GRM8: variants seen among roughly 807,000 people sequenced by gnomAD.
GRM8 encodes the protein metabotropic glutamate receptor 8.
A neutral mutation model predicts 87.2 loss-of-function variants in GRM8; 47 were observed. The observed-to-expected ratio is 0.54, with a 90% CI of 0.43 to 0.69. GRM8 has a LOEUF of 0.69. GRM8 is among the 30% of genes least tolerant of loss of function. The pLI is 0.00. For synonymous variants in GRM8, 396 were observed against 404.5 expected (o/e 0.98, Z 0.25); for missense variants, 1,019 against 1,139.2 (o/e 0.89, Z 1.52).
intron 8 of GRM8, among the ~76,000 whole-genome samples, chr7:126,563,297 T>TA (rs59304756): frequency 0.027 from 4,066 of 149,628 alleles, 153 homozygotes; most frequent in African/African-American, 0.089. Flanking sequence ...GGTTTTTTTT[T>TA]AAAAAAAAAA....
intron 8 of GRM8, among the ~76,000 whole-genome samples, chr7:126,582,662 GC>G (rs1795720794): frequency 1.3e-5 from 2 of 152,136 alleles, no homozygotes; most frequent in Non-Finnish European, 2.9e-5. Flanking sequence ...TCTTATTAGG[GC>G]CTAATGAAGC....
chr7:126,849,403 C>A (rs967655617), intron 6 of GRM8, among the ~76,000 whole-genome samples: 4 of 152,068 alleles, frequency 2.6e-5, no homozygotes, highest in Non-Finnish European at 5.9e-5. Flanking sequence ...CTTAGGAATT[C>A]TCACAATTAA....
chr7:126,522,134 A>G (rs1285601236), intron 9 of GRM8, among the ~76,000 whole-genome samples: 1 of 152,162 alleles, frequency 6.6e-6, no homozygotes, highest in Non-Finnish European at 1.5e-5. Context: ...TAGCAGCCCC[A>G]AAGAAGGTTG....
chr7:126,990,900 A>G (rs904084102), intron 3 of GRM8, among the ~76,000 whole-genome samples: 7 of 152,238 alleles, frequency 4.6e-5, no homozygotes, highest in African/African-American at 1.7e-4. Context: ...ATAATTACAT[A>G]TAAAAATTAA....
chr7:126,655,571 A>T (rs1489189845), intron 7 of GRM8, among the ~76,000 whole-genome samples: 1 of 152,092 alleles, frequency 6.6e-6, no homozygotes, highest in Non-Finnish European at 1.5e-5. Context: ...TCTTGGTCTC[A>T]ACTACTGGTC....
At chr7:127,006,921 T>C (rs1814374525) in intron 3 of GRM8, among the ~76,000 whole-genome samples, 1 of 152,022 alleles carries the variant, frequency 6.6e-6, no homozygotes, top group African/African-American at 2.4e-5. Context: ...ATCAACTCAA[T>C]GTGGAAGATG....
chr7:127,195,727 A>C (rs17866226), intron 2 of GRM8, among the ~76,000 whole-genome samples: 3,364 of 152,178 alleles, frequency 0.022, 116 homozygotes, highest in African/African-American at 0.077. Flanking sequence ...TATCCAGAAA[A>C]ATGAGGTGCT....
rs114328909 is a variant in GRM8 at position 127,023,494 on chromosome 7, A to G, written c.727+83002T>C. 3.4e-3 allele frequency among the ~76,000 whole-genome samples: 524 copies of G among 152,256 alleles called. 1 individual carries two copies. Among genetic ancestry groups the G allele is most frequent in the African/African-American group, 0.012 (507 of 41,566 alleles). On this transcript the variant is annotated intron_variant, in intron 3 of 10. Transcript: ENST00000339582. ...AATACTTTCCAACTGTACATAAAAG[A>G]GGTTAATTTTCAAACCCGGACAGTG...
chr7:127,230,799 C>T (rs1357193707), intron 2 of GRM8, among the ~76,000 whole-genome samples: 1 of 152,028 alleles, frequency 6.6e-6, no homozygotes, highest in African/African-American at 2.4e-5. Context: ...TCTCAGAATT[C>T]CAGCTTCCAG....
At chr7:127,228,407 C>G (rs1797476467) in intron 2 of GRM8, 8 of 152,168 alleles carry the variant, frequency 5.3e-5, no homozygotes, top group Admixed American at 5.2e-4. Flanking sequence ...GAACTGAAGG[C>G]TCAGGAAGAA....
intron 7 of GRM8, among the ~76,000 whole-genome samples, chr7:126,651,222 T>G (rs1803822136): frequency 6.6e-6 from 1 of 152,168 alleles, no homozygotes; most frequent in African/African-American, 2.4e-5. Flanking sequence ...GGCACTCACT[T>G]TGTGGCCAAA....
chr7:127,135,135 T>C (rs1201495409), intron 2 of GRM8, among the ~76,000 whole-genome samples: 1 of 152,088 alleles, frequency 6.6e-6, no homozygotes, highest in Admixed American at 6.5e-5. Flanking sequence ...TGAGTCAGGG[T>C]TTATGTTTCT....
In GRM8 at chr7:126,446,206, T is replaced by C. The variant is rs1349674920; in HGVS notation, c.2597A>G (p.Gln866Arg). 6.2e-7 allele frequency: 1 copy of C among 1,613,024 alleles called. No homozygotes were observed. The highest frequency in any genetic ancestry group is 8.5e-7 in the Non-Finnish European group (1 of 1,179,424). ...FKAVVTAATM[Q>R]SKLIQKGNDR... ...ATTTCCTTTTTGGATCAGTTTGCTT[T>C]GCATGGTGGCAGCTGTCACCACAGC... is the stretch of plus-strand genomic sequence containing the variant. Residue 866 changes from glutamine (Q) to arginine (R), a missense_variant, in exon 10 of 11, where the codon CAA becomes CGA. Transcript: ENST00000339582.
chr7:126,931,680 T>C (rs1805786192), intron 3 of GRM8, among the ~76,000 whole-genome samples: 1 of 152,210 alleles, frequency 6.6e-6, no homozygotes, highest in Admixed American at 6.5e-5. Flanking sequence ...TTTTCTAGTT[T>C]GAAGTTGTAA....
intron 7 of GRM8, among the ~76,000 whole-genome samples, chr7:126,753,387 CAT>C (rs35916735): frequency 6.7e-5 from 10 of 150,022 alleles, no homozygotes; most frequent in African/African-American, 1.2e-4. Context: ...CACACACAGG[CAT>C]ATATATATAT....
chr7:126,995,696 T>G (rs1021792359), intron 3 of GRM8, among the ~76,000 whole-genome samples: 1 of 151,842 alleles, frequency 6.6e-6, no homozygotes, highest in African/African-American at 2.4e-5. Context: ...TAAAAAATAA[T>G]AAAGTAAGCC....
intron 2 of GRM8, among the ~76,000 whole-genome samples, chr7:127,219,103 T>A (rs960319779): frequency 3.3e-5 from 5 of 152,208 alleles, no homozygotes; most frequent in African/African-American, 1.2e-4. Context: ...TTTCCGATGG[T>A]GAGAACTGCT....
chr7:126,989,347 G>T (rs776613805), intron 3 of GRM8, among the ~76,000 whole-genome samples: 2 of 151,836 alleles, frequency 1.3e-5, no homozygotes, highest in Non-Finnish European at 2.9e-5. Flanking sequence ...TAAGTTAAAG[G>T]TTAACAAGAT....
chr7:127,197,802 A>T lies in GRM8; in HGVS notation c.510+44893T>A, dbSNP rs550055854. 2.6e-5 allele frequency among the ~76,000 whole-genome samples: 4 copies of T among 152,338 alleles called. No homozygotes were observed. The South Asian group carries it at 8.3e-4, about 32-fold the overall frequency. On this transcript the variant is annotated intron_variant, in intron 2 of 10. Coordinates refer to ENST00000339582, the MANE Select transcript of GRM8 (RefSeq NM_000845.3). ...TCTTCATTGTTCTTATCTCAGAGGC[A>T]TCTACTACTAAATGATGTGGGGCAC...
Sources: gnomAD v4.1 joint callset for allele counts (sites outside exome capture counted in the v4.1 genomes callset) on GRCh38, gnomAD v4.1.1 for gene constraint, MANE v1.5 for transcripts, NCBI Gene and HGNC (gene_info 2026-07-23, HGNC 2026-07-21) for gene names.